ARID1A: variants seen among roughly 807,000 people sequenced by gnomAD.
ARID1A encodes the protein AT-rich interaction domain 1A, also known as AT-rich interactive domain-containing protein 1A.
Under a neutral mutation model 212.6 loss-of-function variants are expected in ARID1A, and 20 were observed. The observed-to-expected ratio is 0.09, with a 90% confidence interval of 0.07 to 0.14. The LOEUF is 0.14. Ranked by LOEUF, ARID1A falls within the 10% of genes least tolerant of loss-of-function variation. The pLI is 1.00. For synonymous variants in ARID1A, 1,376 were observed against 1,222.1 expected, an observed-to-expected ratio of 1.13 and a Z score of -2.63; for missense variants, 2,587 against 3,059.0, an observed-to-expected ratio of 0.85 and a Z score of 3.64.
Position 26,697,039 on chromosome 1 carries a change from C to T in ARID1A, c.636C>T (p.Tyr212=), listed in dbSNP as rs1318235765. Residue 212 remains tyrosine (Y), a synonymous_variant, in exon 1 of 20, where the codon TAC becomes TAT. Transcript: ENST00000324856. ...ACCACGGCTTCCCCAACCACCAGTA[C>T]AACTCCTACTACCCCAACCGCAGCG... The part of the protein sequence containing the change: ...SHDHGFPNHQ[Y]NSYYPNRSAY... 1 of 1,540,520 alleles carries T rather than the reference C, an allele frequency of 6.5e-7. No individual in the cohort carries two copies. The highest frequency in any genetic ancestry group is 8.7e-7 in the Non-Finnish European group (1 of 1,147,380).
intron 1 of ARID1A, among the ~76,000 whole-genome samples, chr1:26,723,277 G>A (rs1466229026): frequency 6.6e-6 from 1 of 152,226 alleles, no homozygotes; most frequent in African/African-American, 2.4e-5. Flanking sequence ...GAAGCTGAAA[G>A]CTGTTGGTTG....
At chr1:26,770,923 C>T (rs535701150) in intron 11 of ARID1A, 196 bp from the exon 12 acceptor site, 18 of 595,704 alleles carry the variant, frequency 3.0e-5, no homozygotes, top group Non-Finnish European at 3.6e-5. Flanking sequence ...AGTGGAACAT[C>T]CTGAGGGTAA....
At chr1:26,754,556 G>A (rs2124030424) in intron 4 of ARID1A, among the ~76,000 whole-genome samples, 2 of 152,300 alleles carry the variant, frequency 1.3e-5, no homozygotes, top group Admixed American at 1.3e-4. Context: ...AGCCCCCTCT[G>A]ATTGTATATG....
chr1:26,708,585 G>C (rs2080418623), intron 1 of ARID1A, among the ~76,000 whole-genome samples: 1 of 149,032 alleles, frequency 6.7e-6, no homozygotes, highest in Non-Finnish European at 1.5e-5. Context: ...CACCCAGCCA[G>C]AGTCTTTCAC....
chr1:26,696,554 A>G lies in ARID1A; in HGVS notation c.151A>G (p.Lys51Glu), dbSNP rs2124740453. 8.1e-7 allele frequency: 1 copy of G among 1,227,514 alleles called. No individual in the cohort carries two copies. The highest frequency in any genetic ancestry group is 1.0e-6 in the Non-Finnish European group (1 of 988,876). The allele number at this position is 1,227,514 out of a possible 1,614,324, so 76.0% of individuals were successfully genotyped here. Residue 51 changes from lysine to glutamate, a missense_variant, in exon 1 of 20, where the codon AAG becomes GAG. By Grantham distance (56) the Lys-to-Glu change is moderately conservative (BLOSUM62 1). Around this residue, in one of 11 missense-constraint regions of ARID1A, gnomAD observed 735 missense variants for 590.6 expected, o/e 1.24. Coordinates refer to ENST00000324856, the MANE Select transcript of ARID1A (RefSeq NM_006015.6). Reference sequence around the variant, plus strand: ...GGCAGCGGCCGAGCGCGGGGAAATGAAGGCAGCCGCCGGGCAGGAAAGCGA... The same window carrying G: ...GGCAGCGGCCGAGCGCGGGGAAATGGAGGCAGCCGCCGGGCAGGAAAGCGA... The part of the protein sequence containing the change: ...AAAAAERGEM[K>E]AAAGQESEGP...
rs2124115199 is a variant in ARID1A at position 26,773,876 on chromosome 1, C to T, written c.4079C>T (p.Thr1360Ile). The change falls in exon 17 of 20, where the codon ACA becomes ATA. Residue 1360 changes from threonine (T) to isoleucine (I), a missense_variant. By Grantham distance (89) the Thr-to-Ile change is moderately conservative. This residue lies in a region of ARID1A where 890 missense variants were observed against 1,098.2 expected (regional missense o/e 0.81). Coordinates refer to ENST00000324856, the MANE Select transcript of ARID1A (RefSeq NM_006015.6). ...AGCCCCTTCCCCAGCCAGCAGACTA[C>T]AATGTATCAACAGCAACAGCAGGTG... ...SGSPFPSQQT[T>I]MYQQQQQNYK... 1.9e-6 allele frequency: 3 copies of T among 1,614,176 alleles called. No individual in the cohort carries two copies. The highest frequency in any genetic ancestry group is 1.1e-5 in the South Asian group (1 of 91,074).
intron 3 of ARID1A, 104 bp from the exon 4 acceptor site, chr1:26,732,572 C>G (rs1442389411): frequency 1.8e-5 from 16 of 903,340 alleles, no homozygotes; most frequent in Non-Finnish European, 2.8e-5. Flanking sequence ...ACTGGACTTT[C>G]TCTCACACTC....
At position 26,763,179 on chromosome 1, in the gene ARID1A, C is replaced by T. The variant is rs2124069605; in HGVS notation, c.2626C>T (p.Pro876Ser). ...TTATGGCCCTAACATGGCCAATATG[C>T]CACCTCAGGTTGGGTCAGGGATGTG... Reference protein sequence around the residue: ...RPYGPNMANMPPQVGSGMCPP... With the variant: ...RPYGPNMANMSPQVGSGMCPP... Residue 876 changes from proline to serine, a missense_variant, in exon 8 of 20, where the codon CCA becomes TCA. This residue lies in a region of ARID1A where 674 missense variants were observed against 813.4 expected (regional missense o/e 0.83). Transcript: ENST00000324856. 1 of 1,614,254 alleles carries T rather than the reference C, an allele frequency of 6.2e-7. No individual in the cohort carries two copies.
intron 4 of ARID1A, among the ~76,000 whole-genome samples, chr1:26,737,425 A>G (rs1274954041): frequency 1.3e-5 from 2 of 152,062 alleles, no homozygotes; most frequent in Non-Finnish European, 2.9e-5. Flanking sequence ...GCCTGACTCT[A>G]CTTACTTAAA....
intron 1 of ARID1A, among the ~76,000 whole-genome samples, chr1:26,698,360 A>G (rs1317175225): frequency 6.6e-6 from 1 of 152,172 alleles, no homozygotes; most frequent in Non-Finnish European, 1.5e-5. Context: ...ATGAGCTCAT[A>G]AACTTTTACA....
At chr1:26,778,942 T>G in intron 19 of ARID1A, 81 bp from the exon 20 acceptor site, 2 of 1,365,980 alleles carry the variant, frequency 1.5e-6, no homozygotes, top group Admixed American at 4.9e-5. Flanking sequence ...ACAGAAGACT[T>G]GGGGAGGTCT....
chr1:26,725,877 C>CA (rs1219719761), intron 1 of ARID1A, among the ~76,000 whole-genome samples: 3 of 128,476 alleles, frequency 2.3e-5, no homozygotes, highest in Non-Finnish European at 4.8e-5. Context: ...TTTTTTGAGA[C>CA]AGAGTCCCAC....
In ARID1A at chr1:26,766,884, C is replaced by T. The variant is rs139596496; in HGVS notation, c.2988+318C>T. On this transcript the variant is annotated intron_variant, in intron 10 of 19. Transcript: ENST00000324856. ...TGGTGCCCTCTGTGAAACCGTGCCT[C>T]CTATACTCAAGCATTGATAGATGGG... Among the ~76,000 whole-genome samples the T allele has an allele frequency of 2.0e-3, 312 of 152,284 alleles. 1 individual carries two copies. Among genetic ancestry groups the T allele is most frequent in the Non-Finnish European group, 3.6e-3 (248 of 68,010 alleles).
intron 1 of ARID1A, among the ~76,000 whole-genome samples, chr1:26,708,442 G>A (rs374584758): frequency 2.7e-5 from 4 of 150,456 alleles, no homozygotes; most frequent in Admixed American, 6.6e-5. Context: ...CCACCACCAC[G>A]CCCAGGTAAT....
chr1:26,771,828 G>C lies in ARID1A; in HGVS notation c.3406+502G>C, dbSNP rs34618114. On this transcript the variant is annotated intron_variant, in intron 12 of 19. Coordinates refer to ENST00000324856, the MANE Select transcript of ARID1A (RefSeq NM_006015.6). The surrounding 1 kb of genome is among the most constrained non-coding windows in gnomAD (Gnocchi z 5.4). ...CTGAGAGGAGGCTGAGGCCTAGGGT[G>C]AGCCTAGAGAGGGAAGAAGGCCAGG... 5.9e-6 allele frequency: 1 copy of C among 169,676 alleles called. No individual in the cohort carries two copies. Among genetic ancestry groups the C allele is most frequent in the South Asian group, 1.5e-4 (1 of 6,710 alleles). 10.5% of individuals were successfully genotyped at this position (169,676 alleles called of 1,614,324 possible). A position where few individuals can be genotyped will look rare whatever the true frequency, so the allele number is the denominator to read the frequency against.
At chr1:26,726,043 C>T (rs1414702888) in intron 1 of ARID1A, among the ~76,000 whole-genome samples, 1 of 151,494 alleles carries the variant, frequency 6.6e-6, no homozygotes, top group Admixed American at 6.6e-5. Context: ...TTAGTAGAGA[C>T]GGGGTTTCAC....
intron 1 of ARID1A, among the ~76,000 whole-genome samples, chr1:26,710,836 A>C (rs1419472714): frequency 6.6e-6 from 1 of 152,196 alleles, no homozygotes. Context: ...CCTCCTATGA[A>C]AAAAGTATTA....
chr1:26,711,811 G>A (rs2080457131), intron 1 of ARID1A, among the ~76,000 whole-genome samples: 1 of 152,146 alleles, frequency 6.6e-6, no homozygotes, highest in South Asian at 2.1e-4. Flanking sequence ...GGCAGGGCAT[G>A]GTGGCTCATG....
chr1:26,761,554 T>C, intron 6 of ARID1A, 81 bp downstream of exon 6: 1 of 1,385,820 alleles, frequency 7.2e-7, no homozygotes, highest in East Asian at 2.3e-5. Context: ...TGGAGAGCTG[T>C]TTGACCATGA....
Sources: allele counts gnomAD v4.1 joint callset (sites outside exome capture counted in the v4.1 genomes callset), GRCh38; gene constraint gnomAD v4.1.1; regional missense constraint gnomAD v4.1.1; non-coding constraint Gnocchi (gnomAD v3.1); transcripts MANE v1.5; gene names NCBI Gene and HGNC (gene_info 2026-07-23, HGNC 2026-07-21).